NR3C2: variants seen among roughly 807,000 people sequenced by gnomAD.
NR3C2 encodes the protein mineralocorticoid receptor.
A neutral mutation model predicts 86.4 loss-of-function variants in NR3C2; 15 were observed. The observed-to-expected ratio is 0.17, with a 90% CI of 0.12 to 0.27. The LOEUF is 0.27. Among genes scored for constraint, NR3C2 ranks in the 10% least tolerant of loss-of-function variants. NR3C2 has a pLI of 1.00. For synonymous variants in NR3C2, 458 were observed against 450.5 expected, an observed-to-expected ratio of 1.02 and a Z score of -0.21; for missense variants, 960 against 1,195.6, an observed-to-expected ratio of 0.80 and a Z score of 2.91.
chr4:148,137,899 T>C (rs1733419943), intron 6 of NR3C2, among the ~76,000 whole-genome samples: 1 of 152,196 alleles, frequency 6.6e-6, no homozygotes. Flanking sequence ...TCACTTTTTT[T>C]GAAAAAAGTT....
intron 2 of NR3C2, among the ~76,000 whole-genome samples, chr4:148,408,098 T>G (rs939352814): frequency 6.6e-6 from 1 of 152,168 alleles, no homozygotes; most frequent in African/African-American, 2.4e-5. Context: ...ACCCAACATG[T>G]GGCTGAATCA....
chr4:148,416,573 A>G (rs749060380), intron 2 of NR3C2, among the ~76,000 whole-genome samples: 2 of 152,206 alleles, frequency 1.3e-5, no homozygotes, highest in Non-Finnish European at 2.9e-5. Context: ...CTGATAGTGC[A>G]TGCTGCCAAA....
intron 2 of NR3C2, among the ~76,000 whole-genome samples, chr4:148,395,635 CT>C (rs1348636881): frequency 6.6e-6 from 1 of 152,190 alleles, no homozygotes; most frequent in Non-Finnish European, 1.5e-5. Context: ...CTTATTTGCT[CT>C]CATTGTACAT....
At chr4:148,314,957 T>C (rs1219763719) in intron 2 of NR3C2, among the ~76,000 whole-genome samples, 1 of 152,198 alleles carries the variant, frequency 6.6e-6, no homozygotes, top group East Asian at 1.9e-4. Context: ...CTACGAACAT[T>C]ATACAATAAA....
intron 3 of NR3C2, among the ~76,000 whole-genome samples, chr4:148,235,381 C>T (rs564469640): frequency 3.3e-5 from 5 of 151,566 alleles, no homozygotes; most frequent in African/African-American, 7.2e-5. Flanking sequence ...GGGGATATGC[C>T]GCTAACTGTA....
chr4:148,436,083 G>C lies in NR3C2; in HGVS notation c.778C>G (p.Pro260Ala). The change falls in exon 2 of 9, where the codon CCT (proline) becomes GCT (alanine). Residue 260 changes from proline to alanine, a missense_variant. Around this residue, in one of 4 missense-constraint regions of NR3C2, gnomAD observed 680 missense variants for 719.0 expected, o/e 0.95. Transcript: ENST00000358102. ...SPAHASNVGSPLSSPLSSMKS... is the reference protein window; with the variant it reads ...SPAHASNVGSALSSPLSSMKS... ...ATGCTACTTAACGGACTTGAGAGAG[G>C]AGAGCCCACATTGCTAGCATGTGCA... 9.9e-6 allele frequency: 16 copies of C among 1,614,130 alleles called. No homozygotes were observed. Among genetic ancestry groups the C allele is most frequent in the Non-Finnish European group, 1.4e-5 (16 of 1,180,030 alleles).
chr4:148,341,466 G>A (rs115374800), intron 2 of NR3C2, among the ~76,000 whole-genome samples: 143 of 152,236 alleles, frequency 9.4e-4, no homozygotes, highest in African/African-American at 3.3e-3. Flanking sequence ...TAGGGAGAGG[G>A]AACGACGAAG....
chr4:148,178,542 A>C (rs1735489796), intron 4 of NR3C2, among the ~76,000 whole-genome samples: 1 of 151,794 alleles, frequency 6.6e-6, no homozygotes, highest in Admixed American at 6.5e-5. Context: ...TTTGTAGTAG[A>C]GATGTGTTTA....
chr4:148,385,495 T>C (rs904793928), intron 2 of NR3C2, among the ~76,000 whole-genome samples: 4 of 152,234 alleles, frequency 2.6e-5, no homozygotes, highest in African/African-American at 7.2e-5. Context: ...GTTGCTCAGA[T>C]TTCTAACTGA....
At position 148,094,869 on chromosome 4, in the gene NR3C2, A is replaced by G. The variant is rs554520707; in HGVS notation, c.2800-13370T>C. Reference sequence around the variant, plus strand: ...CACAGAGAGCTATTATTCAGCCTCAAAAAGAAATGAAATTCTGATACATGC... The same window carrying G: ...CACAGAGAGCTATTATTCAGCCTCAGAAAGAAATGAAATTCTGATACATGC... On this transcript the variant is annotated intron_variant, in intron 8 of 8. Coordinates refer to ENST00000358102, the MANE Select transcript of NR3C2 (RefSeq NM_000901.5). Among the ~76,000 whole-genome samples the G allele has an allele frequency of 1.8e-4, 27 of 150,940 alleles. No homozygotes were observed. In the South Asian group the frequency reaches 5.0e-3, roughly 28 times the overall value.
At chr4:148,438,121 GTCTC>G (rs1750166279) in intron 1 of NR3C2, among the ~76,000 whole-genome samples, 1 of 152,196 alleles carries the variant, frequency 6.6e-6, no homozygotes, top group South Asian at 2.1e-4. Flanking sequence ...TTGATCGCAA[GTCTC>G]TCTCTATACA....
At chr4:148,291,588 G>GATT (rs1457180159) in intron 2 of NR3C2, among the ~76,000 whole-genome samples, 2 of 151,998 alleles carry the variant, frequency 1.3e-5, no homozygotes, top group African/African-American at 4.8e-5. Flanking sequence ...ACAGTGAAGA[G>GATT]ATTCTGCTTG....
intron 6 of NR3C2, among the ~76,000 whole-genome samples, chr4:148,132,693 C>G (rs6535583): frequency 1.4e-4 from 22 of 152,104 alleles, no homozygotes; most frequent in African/African-American, 5.3e-4. Context: ...TTGCTTATTC[C>G]GAGAAATTTT....
intron 4 of NR3C2, among the ~76,000 whole-genome samples, chr4:148,162,363 T>C (rs1030844259): frequency 3.9e-5 from 6 of 152,160 alleles, no homozygotes; most frequent in African/African-American, 1.2e-4. Flanking sequence ...TCTGTAGCTA[T>C]ATTCTTTTTT....
intron 2 of NR3C2, among the ~76,000 whole-genome samples, chr4:148,350,735 C>T (rs1389242392): frequency 6.6e-6 from 1 of 152,152 alleles, no homozygotes; most frequent in Non-Finnish European, 1.5e-5. Flanking sequence ...AGACAGAGCC[C>T]TTAGTGGCTG....
Position 148,441,746 on chromosome 4 carries a change from T to A in NR3C2, c.-3+414A>T, listed in dbSNP as rs557137071. 1.8e-4 allele frequency among the ~76,000 whole-genome samples: 27 copies of A among 152,380 alleles called. No homozygotes were observed. In the East Asian group the frequency reaches 4.8e-3, roughly 27 times the overall value. On this transcript the variant is annotated intron_variant, in intron 1 of 8. Coordinates refer to ENST00000358102, the MANE Select transcript of NR3C2 (RefSeq NM_000901.5). ...CTTTTATACAGGATCTATTAGGATCTATATCTCCTTCAACTGCCCTTATGC... is the reference window on the plus strand; with the variant it reads ...CTTTTATACAGGATCTATTAGGATCAATATCTCCTTCAACTGCCCTTATGC...
intron 4 of NR3C2, among the ~76,000 whole-genome samples, chr4:148,182,039 A>G (rs1735670999): frequency 6.6e-6 from 1 of 152,204 alleles, no homozygotes. Context: ...AGTATTTTGG[A>G]TTTTATTCCA....
chr4:148,265,620 C>T (rs1255529276), intron 2 of NR3C2, among the ~76,000 whole-genome samples: 2 of 152,122 alleles, frequency 1.3e-5, no homozygotes, highest in Non-Finnish European at 2.9e-5. Context: ...TTAAACAAAC[C>T]TATCTTTTAT....
At chr4:148,365,506 T>C (rs893594654) in intron 2 of NR3C2, among the ~76,000 whole-genome samples, 1 of 152,164 alleles carries the variant, frequency 6.6e-6, no homozygotes, top group Admixed American at 6.5e-5. Context: ...TACGTAACCC[T>C]TATCAAATTA....
Sources: allele counts gnomAD v4.1 joint callset (sites outside exome capture counted in the v4.1 genomes callset), GRCh38; gene constraint gnomAD v4.1.1; regional missense constraint gnomAD v4.1.1; transcripts MANE v1.5; gene names NCBI Gene and HGNC (gene_info 2026-07-23, HGNC 2026-07-21).